The following ZNF385B variants were observed in gnomAD, a reference collection of about 807,000 sequenced individuals.
ZNF385B encodes zinc finger protein 533.
ZNF385B carries 23 observed loss-of-function variants against 39.2 expected under a neutral mutation model. The ratio of observed to expected loss-of-function variants is 0.59; its 90% CI spans 0.42 to 0.83. The LOEUF is 0.83. Ranked by LOEUF, ZNF385B falls within the 40% of genes least tolerant of loss-of-function variation. The probability of loss-of-function intolerance (pLI) is 0.00; values close to 1 mark genes in which losing one functional copy is unlikely to be tolerated. For synonymous variants in ZNF385B, 205 were observed against 222.6 expected (o/e 0.92, Z 0.70); for missense variants, 552 against 598.9 (o/e 0.92, Z 0.82).
intron 3 of ZNF385B, among the ~76,000 whole-genome samples, chr2:179,609,103 TATG>T (rs1289923302): frequency 6.6e-6 from 1 of 152,078 alleles, no homozygotes; most frequent in Non-Finnish European, 1.5e-5. Flanking sequence ...TTTATAAGAG[TATG>T]ATATTATTGT....
chr2:179,829,826 T>C (rs1361563229), intron 1 of ZNF385B, among the ~76,000 whole-genome samples: 1 of 152,210 alleles, frequency 6.6e-6, no homozygotes, highest in Non-Finnish European at 1.5e-5. Context: ...ATATGACTTT[T>C]TAGATGCAAC....
chr2:179,657,274 AT>A (rs1481099439), intron 3 of ZNF385B, among the ~76,000 whole-genome samples: 2 of 152,170 alleles, frequency 1.3e-5, no homozygotes, highest in Admixed American at 1.3e-4. Flanking sequence ...TCACCCTATT[AT>A]TGTGTAAATA....
chr2:179,520,584 G>A (rs2058414533), intron 4 of ZNF385B, among the ~76,000 whole-genome samples: 1 of 152,142 alleles, frequency 6.6e-6, no homozygotes, highest in African/African-American at 2.4e-5. Context: ...CTTTCTGACA[G>A]TTACCAGACA....
intron 3 of ZNF385B, among the ~76,000 whole-genome samples, chr2:179,604,449 A>G (rs1255570842): frequency 2.0e-5 from 3 of 152,212 alleles, no homozygotes; most frequent in East Asian, 3.9e-4. Context: ...AGAATGTCCT[A>G]TTATCTAGAA....
chr2:179,737,114 T>C (rs1248536136), intron 3 of ZNF385B, among the ~76,000 whole-genome samples: 1 of 152,228 alleles, frequency 6.6e-6, no homozygotes, highest in African/African-American at 2.4e-5. Flanking sequence ...ATGCAAACAT[T>C]CAAGCTGGGT....
At chr2:179,736,504 GT>G (rs1191025439) in intron 3 of ZNF385B, among the ~76,000 whole-genome samples, 2 of 152,130 alleles carry the variant, frequency 1.3e-5, no homozygotes, top group Non-Finnish European at 2.9e-5. Context: ...TTAGCATGAG[GT>G]GTGTCAAGGA....
At chr2:179,800,047 G>A (rs1705930708) in intron 1 of ZNF385B, among the ~76,000 whole-genome samples, 1 of 152,016 alleles carries the variant, frequency 6.6e-6, no homozygotes, top group Admixed American at 6.6e-5. Flanking sequence ...TTCGAATAAA[G>A]CAACCTGCTA....
intron 7 of ZNF385B, 48 bp downstream of exon 7, chr2:179,446,477 T>C (rs1241682657): frequency 1.3e-6 from 2 of 1,561,750 alleles, no homozygotes; most frequent in African/African-American, 1.4e-5. Context: ...ATGGGAAAAG[T>C]TGGGTTTTGT....
chr2:179,486,322 G>A (rs563172763), intron 5 of ZNF385B, among the ~76,000 whole-genome samples: 44 of 152,248 alleles, frequency 2.9e-4, no homozygotes, highest in African/African-American at 1.1e-3. Context: ...GAATAGAGAA[G>A]TTAAATAACT....
chr2:179,574,162 G>A (rs1685544998), intron 3 of ZNF385B, among the ~76,000 whole-genome samples: 1 of 152,060 alleles, frequency 6.6e-6, no homozygotes, highest in Non-Finnish European at 1.5e-5. Flanking sequence ...CCTGAATTAA[G>A]GGGTTTGAAT....
At chr2:179,571,076 A>G (rs572248181) in intron 3 of ZNF385B, among the ~76,000 whole-genome samples, 1 of 152,350 alleles carries the variant, frequency 6.6e-6, no homozygotes, top group South Asian at 2.1e-4. Flanking sequence ...ATATATAGTG[A>G]TATTACATGC....
intron 3 of ZNF385B, among the ~76,000 whole-genome samples, chr2:179,598,766 T>C (rs1688192030): frequency 6.6e-6 from 1 of 152,164 alleles, no homozygotes; most frequent in South Asian, 2.1e-4. Flanking sequence ...TTTGAAATTG[T>C]GACATCTTAT....
At chr2:179,527,992 T>G (rs910123384) in intron 4 of ZNF385B, among the ~76,000 whole-genome samples, 1 of 151,996 alleles carries the variant, frequency 6.6e-6, no homozygotes, top group Non-Finnish European at 1.5e-5. Context: ...CCAGGAAAAT[T>G]TTTAAAAACA....
chr2:179,659,406 C>T (rs1694200055), intron 3 of ZNF385B, among the ~76,000 whole-genome samples: 1 of 151,992 alleles, frequency 6.6e-6, no homozygotes, highest in African/African-American at 2.4e-5. Context: ...ATATATTTTC[C>T]AATGAAATTC....
rs539965424 is a variant in ZNF385B, at chr2:179,623,102, T to A, written c.299-78133A>T. On this transcript the variant is annotated intron_variant, in intron 3 of 9. Coordinates refer to ENST00000410066, the MANE Select transcript of ZNF385B (RefSeq NM_152520.6). ...ATGCACTTGAGGCTTAACTGGATCT[T>A]CAAACTGGCAATGGCTTGAGGCATG... is the stretch of plus-strand genomic sequence containing the variant. 3.2e-4 allele frequency among the ~76,000 whole-genome samples: 48 copies of A among 152,296 alleles called. No individual in the cohort carries two copies. In the Middle Eastern group the frequency reaches 0.01, roughly 32 times the overall value.
intron 5 of ZNF385B, among the ~76,000 whole-genome samples, chr2:179,507,654 G>C (rs62177241): frequency 0.057 from 8,677 of 152,172 alleles, 333 homozygotes; most frequent in South Asian, 0.11. Flanking sequence ...AGATATAGGA[G>C]GGTATTTCTC....
rs552893739 is a variant in ZNF385B, at chr2:179,547,635, G to A, written c.299-2666C>T. 2.0e-5 allele frequency among the ~76,000 whole-genome samples: 3 copies of A among 149,480 alleles called. 1 individual carries two copies. The highest frequency in any genetic ancestry group is 2.1e-4 in the South Asian group (1 of 4,654). The stretch of plus-strand genomic sequence containing the variant: ...TTACTATAGCTCTGCAGAATAATTC[G>A]AAGTCAGGTAATGTGATTCCTCCAG... On this transcript the variant is annotated intron_variant, in intron 3 of 9. Coordinates refer to ENST00000410066, the MANE Select transcript of ZNF385B (RefSeq NM_152520.6).
chr2:179,584,236 A>G (rs1395443319), intron 3 of ZNF385B, among the ~76,000 whole-genome samples: 1 of 152,146 alleles, frequency 6.6e-6, no homozygotes, highest in Non-Finnish European at 1.5e-5. Context: ...AGATGCCACT[A>G]GCATCCTAAC....
intron 3 of ZNF385B, among the ~76,000 whole-genome samples, chr2:179,757,441 C>G (rs1269133895): frequency 6.6e-6 from 1 of 152,222 alleles, no homozygotes; most frequent in East Asian, 1.9e-4. Context: ...TCTGCCCGTT[C>G]TCAGGTCTCA....
Sources: gnomAD v4.1 joint callset for allele counts (sites outside exome capture counted in the v4.1 genomes callset) on GRCh38, gnomAD v4.1.1 for gene constraint, MANE v1.5 for transcripts, NCBI Gene and HGNC (gene_info 2026-07-23, HGNC 2026-07-21) for gene names.